The following PPP3R1 variants were observed in gnomAD, a reference collection of about 807,000 sequenced individuals.
PPP3R1 encodes protein phosphatase 3 regulatory subunit B, alpha, also known as calcineurin subunit B type 1.
In PPP3R1, 5 loss-of-function variants were observed where a neutral mutation model predicts 22.6. The observed-to-expected ratio is 0.22, with a 90% confidence interval of 0.12 to 0.46. The LOEUF is 0.46. Ranked by LOEUF, PPP3R1 falls within the 20% of genes least tolerant of loss-of-function variation. The pLI, the probability that PPP3R1 is intolerant of heterozygous loss-of-function variation, is 0.99. For synonymous variants in PPP3R1, 56 were observed against 65.2 expected (o/e 0.86, Z 0.68); for missense variants, 61 against 203.2 (o/e 0.30, Z 4.25).
At chr2:68,251,537 G>T (rs1160712117) in intron 1 of PPP3R1, among the ~76,000 whole-genome samples, 1 of 152,160 alleles carries the variant, frequency 6.6e-6, no homozygotes, top group African/African-American at 2.4e-5. Context: ...GCAGGGCTGC[G>T]CACCGCAGCT....
intron 1 of PPP3R1, among the ~76,000 whole-genome samples, chr2:68,239,692 T>G (rs1670082720): frequency 6.6e-6 from 1 of 152,136 alleles, no homozygotes; most frequent in Non-Finnish European, 1.5e-5. Context: ...AAACAAGGAA[T>G]TTGTGCATTC....
chr2:68,241,435 C>A (rs956934320), intron 1 of PPP3R1, among the ~76,000 whole-genome samples: 9 of 152,086 alleles, frequency 5.9e-5, no homozygotes, highest in Non-Finnish European at 1.3e-4. Flanking sequence ...ATGTACTGCA[C>A]TAAATAAGGT....
chr2:68,237,802 A>G (rs1163573124), intron 1 of PPP3R1, among the ~76,000 whole-genome samples: 1 of 152,194 alleles, frequency 6.6e-6, no homozygotes, highest in African/African-American at 2.4e-5. Context: ...GAAGGATATC[A>G]AAGATGTAGA....
chr2:68,249,855 T>C (rs1159308316), intron 1 of PPP3R1, among the ~76,000 whole-genome samples: 1 of 152,218 alleles, frequency 6.6e-6, no homozygotes, highest in Non-Finnish European at 1.5e-5. Flanking sequence ...CTAGTGATAT[T>C]TCATACTGTA....
intron 1 of PPP3R1, among the ~76,000 whole-genome samples, chr2:68,238,894 A>G (rs1670067649): frequency 6.6e-6 from 1 of 152,224 alleles, no homozygotes; most frequent in African/African-American, 2.4e-5. Flanking sequence ...ACATGGCTTA[A>G]GGAAAATTCA....
At chr2:68,240,491 G>A (rs906625262) in intron 1 of PPP3R1, among the ~76,000 whole-genome samples, 3 of 152,194 alleles carry the variant, frequency 2.0e-5, no homozygotes, top group Non-Finnish European at 4.4e-5. Context: ...AAATCATGGG[G>A]AGACAGAAAG....
rs1406811416 is a variant in PPP3R1 at position 68,200,293 on chromosome 2, T to C, written c.44-11603A>G. On this transcript the variant is annotated intron_variant, in intron 2 of 5. Transcript: ENST00000234310. ...GATACTGTGATTGTGTTTTGTTTTCTAGATTGCTCCTTCAAAATATAAATA... is the reference window on the plus strand; with the variant it reads ...GATACTGTGATTGTGTTTTGTTTTCCAGATTGCTCCTTCAAAATATAAATA... 6.6e-5 allele frequency among the ~76,000 whole-genome samples: 10 copies of C among 152,318 alleles called. No homozygotes were observed. The South Asian group carries it at 2.1e-3, about 32-fold the overall frequency.
intron 1 of PPP3R1, among the ~76,000 whole-genome samples, chr2:68,244,390 C>G (rs936085678): frequency 6.6e-6 from 1 of 152,136 alleles, no homozygotes; most frequent in African/African-American, 2.4e-5. Context: ...CAGCCCTCAC[C>G]CCTCAAAACC....
At chr2:68,216,479 A>T (rs75394641) in intron 2 of PPP3R1, among the ~76,000 whole-genome samples, 20,753 of 70,636 alleles carry the variant, frequency 0.29, 3,702 homozygotes, top group African/African-American at 0.53. Context: ...TTAAAAATTA[A>T]AAAAAAAAAA....
chr2:68,236,747 G>C (rs1670026562), intron 1 of PPP3R1, among the ~76,000 whole-genome samples: 1 of 152,230 alleles, frequency 6.6e-6, no homozygotes, highest in East Asian at 1.9e-4. Flanking sequence ...TCTGGTGATG[G>C]AAAGTAACCT....
intron 1 of PPP3R1, among the ~76,000 whole-genome samples, chr2:68,239,933 T>C (rs973419059): frequency 6.6e-5 from 10 of 152,172 alleles, no homozygotes; most frequent in South Asian, 6.2e-4. Context: ...CATAAAACCA[T>C]TGTTTTTCAC....
Position 68,232,223 on chromosome 2 carries a change from ATGTGTG to A in PPP3R1, c.4-15098_4-15093del, listed in dbSNP as rs76815812. Among the ~76,000 whole-genome samples, 134 of 45,756 alleles carry A rather than the reference ATGTGTG, an allele frequency of 2.9e-3. 3 individuals are homozygous for A. Among genetic ancestry groups the A allele is most frequent in the South Asian group, 0.023 (32 of 1,382 alleles). The allele number at this position is 45,756 out of a possible 152,430, so 30.0% of individuals were successfully genotyped here. A position where few individuals can be genotyped will look rare whatever the true frequency, so the allele number is the denominator to read the frequency against. The stretch of plus-strand genomic sequence containing the variant: ...TTATATACATATTGTATATGTATAT[ATGTGTG>A]TGTGTGTGTGTGTGTGTGTGTGTGT... On this transcript the variant is annotated intron_variant, in intron 1 of 5. Coordinates refer to ENST00000234310, the MANE Select transcript of PPP3R1 (RefSeq NM_000945.4).
At chr2:68,202,231 C>T (rs1363677349) in intron 2 of PPP3R1, among the ~76,000 whole-genome samples, 1 of 152,194 alleles carries the variant, frequency 6.6e-6, no homozygotes, top group Non-Finnish European at 1.5e-5. Context: ...GACTTTTTCA[C>T]TAGCTAAAGT....
At position 68,252,156 on chromosome 2, in the gene PPP3R1, C is replaced by T; in HGVS notation, c.-29G>A. On this transcript the variant is annotated 5_prime_UTR_variant, in exon 1 of 6. Coordinates refer to ENST00000234310, the MANE Select transcript of PPP3R1 (RefSeq NM_000945.4). ...GCTCGGCGGGTCGGCGGCTCGCTGG[C>T]TCGCTGGCTCGGAGAAGTGTTGCGC... 7.1e-7 allele frequency: 1 copy of T among 1,413,020 alleles called. No homozygotes were observed. The highest frequency in any genetic ancestry group is 9.4e-7 in the Non-Finnish European group (1 of 1,062,354). 87.5% of individuals were successfully genotyped at this position (1,413,020 alleles called of 1,614,324 possible).
chr2:68,210,044 T>C (rs1178406227), intron 2 of PPP3R1, among the ~76,000 whole-genome samples: 1 of 152,124 alleles, frequency 6.6e-6, no homozygotes, highest in Admixed American at 6.5e-5. Flanking sequence ...AAAACAGAAG[T>C]GACACCTCAT....
chr2:68,232,200 A>G (rs1470772351), intron 1 of PPP3R1, among the ~76,000 whole-genome samples: 2 of 46,568 alleles, frequency 4.3e-5, no homozygotes, highest in Non-Finnish European at 6.6e-5. Flanking sequence ...TATACATATT[A>G]TATACATATT....
rs527642531 is a variant in PPP3R1 at position 68,248,029 on chromosome 2, A to G, written c.3+4096T>C. ...TCCCACTGCTTTTAGGAGAAAAAAG[A>G]TTAACTCCTTCATGATATGCAAATC... On this transcript the variant is annotated intron_variant, in intron 1 of 5. Transcript: ENST00000234310. Among the ~76,000 whole-genome samples, 130 of 152,266 alleles carry G rather than the reference A, an allele frequency of 8.5e-4. No individual in the cohort carries two copies. The Middle Eastern group carries it at 0.01, about 12-fold the overall frequency.
intron 2 of PPP3R1, among the ~76,000 whole-genome samples, chr2:68,197,794 T>C (rs1674820883): frequency 6.6e-6 from 1 of 152,024 alleles, no homozygotes; most frequent in Admixed American, 6.6e-5. Context: ...GGTGTATTTT[T>C]AAAACCAAAA....
chr2:68,200,983 G>A (rs1674963997), intron 2 of PPP3R1, among the ~76,000 whole-genome samples: 1 of 152,034 alleles, frequency 6.6e-6, no homozygotes, highest in South Asian at 2.1e-4. Flanking sequence ...ATACCTTCAA[G>A]TATTCTGTTA....
Sources: gnomAD v4.1 joint callset for allele counts (sites outside exome capture counted in the v4.1 genomes callset) on GRCh38, gnomAD v4.1.1 for gene constraint, MANE v1.5 for transcripts, NCBI Gene and HGNC (gene_info 2026-07-23, HGNC 2026-07-21) for gene names.